LEPR: variants seen among roughly 807,000 people sequenced by gnomAD.
The protein encoded by LEPR is leptin receptor, also known as OB receptor.
In LEPR, 56 loss-of-function variants were observed where a neutral mutation model predicts 114.7. The ratio of observed to expected loss-of-function variants is 0.49; its 90% CI spans 0.39 to 0.61. LEPR has a LOEUF of 0.61. Among genes scored for constraint, LEPR ranks in the 20% least tolerant of loss-of-function variants. The pLI, the probability that LEPR is intolerant of heterozygous loss-of-function variation, is 0.00. For missense variants in LEPR, 1,202 were observed against 1,352.9 expected (o/e 0.89, Z 1.75); for synonymous variants, 443 against 461.4 (o/e 0.96, Z 0.51).
At chr1:65,487,800 C>T (rs1052461301) in intron 2 of LEPR, among the ~76,000 whole-genome samples, 2 of 152,050 alleles carry the variant, frequency 1.3e-5, no homozygotes, top group African/African-American at 4.8e-5. Context: ...TGTAACACCT[C>T]AGGGTAATTG....
At chr1:65,506,786 T>C (rs1557629860) in intron 2 of LEPR, among the ~76,000 whole-genome samples, 1 of 152,226 alleles carries the variant, frequency 6.6e-6, no homozygotes, top group Non-Finnish European at 1.5e-5. Flanking sequence ...ATTTATCATT[T>C]CTTTGTGGTG....
intron 2 of LEPR, among the ~76,000 whole-genome samples, chr1:65,508,891 C>T (rs1648889653): frequency 6.6e-6 from 1 of 151,928 alleles, no homozygotes; most frequent in East Asian, 1.9e-4. Flanking sequence ...TTTTGGTATA[C>T]AGATCTTCCA....
chr1:65,609,995 C>T lies in LEPR; in HGVS notation c.1801C>T (p.Pro601Ser), dbSNP rs267598693. 1 of 1,614,186 alleles carries T rather than the reference C, an allele frequency of 6.2e-7. No individual in the cohort carries two copies. The highest frequency in any genetic ancestry group is 8.5e-7 in the Non-Finnish European group (1 of 1,180,014). Reference protein sequence around the residue: ...AKSKSVSLPVPDLCAVYAVQV... With the variant: ...AKSKSVSLPVSDLCAVYAVQV... Reference sequence around the variant, plus strand: ...ATCAAAATCTGTCAGTCTCCCAGTTCCAGACTTGTGTGCAGTCTATGCTGT... The same window carrying T: ...ATCAAAATCTGTCAGTCTCCCAGTTTCAGACTTGTGTGCAGTCTATGCTGT... The change falls in exon 13 of 20, where the codon CCA becomes TCA. Residue 601 changes from proline to serine, a missense_variant. Coordinates refer to ENST00000349533, the MANE Select transcript of LEPR (RefSeq NM_002303.6).
chr1:65,558,522 AG>A, intron 2 of LEPR, among the ~76,000 whole-genome samples: 1 of 15,420 alleles, frequency 6.5e-5, no homozygotes, highest in Non-Finnish European at 1.3e-4. Flanking sequence ...TTTTTGAATC[AG>A]AAGTTTTTTT....
intron 5 of LEPR, 99 bp from the exon 6 acceptor site, chr1:65,592,558 C>T (rs1655780004): frequency 7.4e-7 from 1 of 1,351,408 alleles, no homozygotes; most frequent in Admixed American, 1.9e-5. Flanking sequence ...CTGGGTGTCC[C>T]AAATAGTTTA....
At position 65,637,976 on chromosome 1, in the gene LEPR, T is replaced by C. The variant is rs1658767122; in HGVS notation, c.*961T>C. On this transcript the variant is annotated 3_prime_UTR_variant, in exon 20 of 20. Transcript: ENST00000349533. ...ATCAGAGTTCAGATTTAAATCCAGATTTTTTAATGCTAATGATTATGTTTT... is the reference window on the plus strand; with the variant it reads ...ATCAGAGTTCAGATTTAAATCCAGACTTTTTAATGCTAATGATTATGTTTT... The C allele has an allele frequency of 6.6e-6, 1 of 152,202 alleles. No individual in the cohort carries two copies. The highest frequency in any genetic ancestry group is 2.4e-5 in the African/African-American group (1 of 41,450). The allele number at this position is 152,202 out of a possible 1,614,324, so 9.4% of individuals were successfully genotyped here.
In LEPR at chr1:65,601,663, T is replaced by C. The variant is rs767014952; in HGVS notation, c.1266T>C (p.Tyr422=). The C allele has an allele frequency of 2.5e-6, 4 of 1,613,694 alleles. No individual in the cohort carries two copies. Among genetic ancestry groups the C allele is most frequent in the Non-Finnish European group, 3.4e-6 (4 of 1,179,732 alleles). Residue 422 remains tyrosine (Y), a synonymous_variant, in exon 9 of 20, where the codon TAT becomes TAC. Transcript: ENST00000349533. ...ATGAACATGAATGCCATCATCGCTATGCTGAATTATATGTGATTGGTAAGA... is the reference window on the plus strand; with the variant it reads ...ATGAACATGAATGCCATCATCGCTACGCTGAATTATATGTGATTGGTAAGA... ...CCNEHECHHR[Y]AELYVIDVNI...
intron 2 of LEPR, among the ~76,000 whole-genome samples, chr1:65,451,000 T>C (rs1646777594): frequency 6.7e-6 from 1 of 149,900 alleles, no homozygotes; most frequent in Non-Finnish European, 1.5e-5. Context: ...CTCATTGTGG[T>C]TTTGATTTGC....
intron 2 of LEPR, among the ~76,000 whole-genome samples, chr1:65,448,109 A>T (rs1646735609): frequency 6.6e-6 from 1 of 152,188 alleles, no homozygotes; most frequent in Admixed American, 6.5e-5. Context: ...GATCTTGGTG[A>T]GAAAGCCTCA....
At chr1:65,443,017 T>C (rs991905885) in intron 2 of LEPR, among the ~76,000 whole-genome samples, 2 of 152,196 alleles carry the variant, frequency 1.3e-5, no homozygotes, top group Admixed American at 6.5e-5. Flanking sequence ...ATAGCAACAG[T>C]CTGATTCTGG....
At chr1:65,597,142 A>G (rs1656119487) in intron 7 of LEPR, among the ~76,000 whole-genome samples, 1 of 152,092 alleles carries the variant, frequency 6.6e-6, no homozygotes, top group Admixed American at 6.6e-5. Context: ...CAGTTTAGCC[A>G]GAATCCCTCT....
chr1:65,570,840 T>A, intron 4 of LEPR, 38 bp downstream of exon 4: 1 of 1,480,544 alleles, frequency 6.8e-7, no homozygotes, highest in Non-Finnish European at 9.0e-7. Flanking sequence ...TTGAACAATG[T>A]TTTTTAATTC....
Position 65,598,744 on chromosome 1 carries a change from A to G in LEPR, c.934A>G (p.Arg312Gly). 6.2e-7 allele frequency: 1 copy of G among 1,613,528 alleles called. No homozygotes were observed. Among genetic ancestry groups the G allele is most frequent in the Non-Finnish European group, 8.5e-7 (1 of 1,179,598 alleles). Residue 312 changes from arginine (R) to glycine (G), a missense_variant, in exon 8 of 20, where the codon AGA becomes GGA. Arg to Gly is a moderately radical substitution (Grantham distance 125). Transcript: ENST00000349533. ...SSYEVQVRGK[R>G]LDGPGIWSDW... ...GTATGAGGTTCAGGTGAGGGGCAAG[A>G]GACTGGATGGCCCAGGAATCTGGAG...
At chr1:65,449,179 C>T (rs902824169) in intron 2 of LEPR, among the ~76,000 whole-genome samples, 1 of 151,990 alleles carries the variant, frequency 6.6e-6, no homozygotes, top group African/African-American at 2.4e-5. Flanking sequence ...TGCACCTGGC[C>T]TCATTTCTGA....
chr1:65,465,711 G>C (rs61779780), intron 2 of LEPR, among the ~76,000 whole-genome samples: 44,591 of 152,092 alleles, frequency 0.29, 8,371 homozygotes, highest in Non-Finnish European at 0.42. Context: ...GGGTGCTCCT[G>C]TGTTGGGTAC....
rs115181151 is a variant in LEPR at position 65,437,955 on chromosome 1, G to A, written c.-21+12577G>A. On this transcript the variant is annotated intron_variant, in intron 2 of 19. Transcript: ENST00000349533. ...CCTGAGTAGCTGGGATTACAGGCAC[G>A]GGCCACCGCAGCTGGCTAAGTTATT... is the stretch of plus-strand genomic sequence containing the variant. Among the ~76,000 whole-genome samples the A allele has an allele frequency of 5.1e-3, 767 of 151,770 alleles. 6 individuals are homozygous for A. Among genetic ancestry groups the A allele is most frequent in the African/African-American group, 0.018 (729 of 41,376 alleles).
At chr1:65,588,011 T>C (rs1295391539) in intron 5 of LEPR, among the ~76,000 whole-genome samples, 4 of 152,026 alleles carry the variant, frequency 2.6e-5, no homozygotes, top group Non-Finnish European at 5.9e-5. Flanking sequence ...ACTATCTCCC[T>C]ATCCCCAGGT....
At position 65,616,060 on chromosome 1, in the gene LEPR, A is replaced by G. The variant is rs1210171145; in HGVS notation, c.2048A>G (p.His683Arg). Residue 683 changes from histidine (H) to arginine (R), a missense_variant, in exon 15 of 20, where the codon CAT (histidine) becomes CGT (arginine). Transcript: ENST00000349533. ...AGTGTTCAGAGATATGTGATAAACCATCATACTTCCTGCAATGGAACATGG... is the reference window on the plus strand; with the variant it reads ...AGTGTTCAGAGATATGTGATAAACCGTCATACTTCCTGCAATGGAACATGG... Reference protein sequence around the residue: ...LCSVQRYVINHHTSCNGTWSE... With the variant: ...LCSVQRYVINRHTSCNGTWSE... 5.6e-6 allele frequency: 9 copies of G among 1,614,078 alleles called. No individual in the cohort carries two copies. Among genetic ancestry groups the G allele is most frequent in the Non-Finnish European group, 7.6e-6 (9 of 1,180,034 alleles).
At chr1:65,451,431 A>T (rs1418593134) in intron 2 of LEPR, among the ~76,000 whole-genome samples, 1 of 151,916 alleles carries the variant, frequency 6.6e-6, no homozygotes, top group Non-Finnish European at 1.5e-5. Context: ...TAAGTCTTTA[A>T]TCCATCTTGA....
Sources: gnomAD v4.1 joint callset for allele counts (sites outside exome capture counted in the v4.1 genomes callset) on GRCh38, gnomAD v4.1.1 for gene constraint, MANE v1.5 for transcripts, NCBI Gene and HGNC (gene_info 2026-07-23, HGNC 2026-07-21) for gene names.